The following DMD variants were observed in gnomAD, a reference collection of about 807,000 sequenced individuals.
DMD encodes dystrophin.
DMD carries 63 observed loss-of-function variants against 330.1 expected under a neutral mutation model. That is an observed-to-expected ratio of 0.19 (90% CI 0.16 to 0.24). The LOEUF (loss-of-function observed/expected upper bound fraction) is 0.24. Ranked by LOEUF, DMD falls within the 10% of genes least tolerant of loss-of-function variation. DMD has a pLI of 1.00. For synonymous variants in DMD, 1,223 were observed against 959.8 expected, an observed-to-expected ratio of 1.27 and a Z score of -5.07; for missense variants, 3,344 against 2,684.1, an observed-to-expected ratio of 1.25 and a Z score of -5.43.
rs190146756 is a variant in DMD, at chrX:33,302,584, A to G, written c.7+36675T>C. ...CTTTCCATTTTTCTATAGTGGTATT[A>G]GTAGTGTTGCACATTTTTTAAAGAA... On this transcript the variant is annotated intron_variant, in intron 1 of 17. Transcript: ENST00000288447. Among the ~76,000 whole-genome samples the G allele has an allele frequency of 8.7e-3, 974 of 111,477 alleles. 9 individuals are homozygous for G. Among genetic ancestry groups the G allele is most frequent in the Middle Eastern group, 0.019 (4 of 216 alleles).
intron 53 of DMD, among the ~76,000 whole-genome samples, chrX:31,674,951 C>CT (rs1307465406): frequency 8.9e-6 from 1 of 112,269 alleles, no homozygotes; most frequent in African/African-American, 3.2e-5. Context: ...CTGTCATAGC[C>CT]TATTGGCAAA....
At chrX:32,510,020 G>A (rs183855307) in intron 18 of DMD, among the ~76,000 whole-genome samples, 3 of 111,507 alleles carry the variant, frequency 2.7e-5, no homozygotes, top group Admixed American at 1.9e-4. Context: ...TGAGGGGTAT[G>A]AATGTTTCAA....
intron 12 of DMD, among the ~76,000 whole-genome samples, 167 bp downstream of exon 12, chrX:32,614,136 T>C (rs1056528843): frequency 2.3e-4 from 25 of 111,088 alleles, no homozygotes; most frequent in African/African-American, 7.5e-4. Context: ...ATTCAAGCCA[T>C]TGCAACAAAG....
chrX:32,294,178 A>G (rs149337534), intron 42 of DMD, among the ~76,000 whole-genome samples: 14 of 112,204 alleles, frequency 1.2e-4, no homozygotes, highest in African/African-American at 4.5e-4. Context: ...TGCCAGTCCA[A>G]TGGCAAAGAT....
At chrX:32,057,824 G>A (rs1438158271) in intron 44 of DMD, among the ~76,000 whole-genome samples, 3 of 111,133 alleles carry the variant, frequency 2.7e-5, no homozygotes, top group Non-Finnish European at 5.7e-5. Context: ...CATCACACTT[G>A]CTAGTTTCAA....
chrX:32,893,816 G>A (rs748415767), intron 2 of DMD, among the ~76,000 whole-genome samples: 11 of 111,633 alleles, frequency 9.9e-5, no homozygotes, highest in Non-Finnish European at 2.1e-4. Flanking sequence ...TTAATAGGAT[G>A]GCATATCTAG....
chrX:32,123,492 G>A (rs1388793167), intron 44 of DMD, among the ~76,000 whole-genome samples: 1 of 108,473 alleles, frequency 9.2e-6, no homozygotes, highest in African/African-American at 3.4e-5. Flanking sequence ...TACTCCATAG[G>A]GGGAAATGAA....
intron 1 of DMD, among the ~76,000 whole-genome samples, chrX:33,047,557 C>A (rs962801338): frequency 4.5e-5 from 5 of 110,985 alleles, no homozygotes; most frequent in Non-Finnish European, 9.4e-5. Context: ...TGGACAGTAC[C>A]TTAGAAATAA....
intron 1 of DMD, among the ~76,000 whole-genome samples, chrX:33,106,512 A>G (rs1378007399): frequency 8.9e-6 from 1 of 112,459 alleles, no homozygotes; most frequent in East Asian, 2.8e-4. Context: ...CAAATTGTAC[A>G]TTAAGGGCAT....
At chrX:32,828,288 G>A (rs777426167) in intron 4 of DMD, among the ~76,000 whole-genome samples, 2 of 111,109 alleles carry the variant, frequency 1.8e-5, no homozygotes, top group South Asian at 7.5e-4. Flanking sequence ...TAACTTCTTT[G>A]AGGAATCACC....
intron 47 of DMD, among the ~76,000 whole-genome samples, chrX:31,927,402 T>G (rs1390563244): frequency 8.9e-6 from 1 of 112,373 alleles, no homozygotes; most frequent in East Asian, 2.8e-4. Flanking sequence ...TTTAGATAGT[T>G]CTCTCACATT....
Position 32,618,716 on chromosome X carries a change from A to C in DMD, c.1332-4263T>G, listed in dbSNP as rs752943451. On this transcript the variant is annotated intron_variant, in intron 11 of 78. Transcript: ENST00000357033. ...TTGTCAAAAGAAAAAAGAAGAGATT[A>C]TCACCTCACTTTTGTTAGCATGGCT... Among the ~76,000 whole-genome samples, 7 of 111,772 alleles carry C rather than the reference A, an allele frequency of 6.3e-5. No homozygotes were observed. The East Asian group carries it at 8.4e-4, about 13-fold the overall frequency.
rs189307755 is a variant in DMD, at chrX:32,839,452, C to G, written c.264+5331G>C. ...ATATTGCCTACCATGTGGCTGTAATCTCTGACACACAAAGGGTTGTGTTTG... is the reference window on the plus strand; with the variant it reads ...ATATTGCCTACCATGTGGCTGTAATGTCTGACACACAAAGGGTTGTGTTTG... On this transcript the variant is annotated intron_variant, in intron 4 of 78. Transcript: ENST00000357033. 4.3e-3 allele frequency among the ~76,000 whole-genome samples: 477 copies of G among 111,869 alleles called. 1 individual carries two copies. The highest frequency in any genetic ancestry group is 0.014 in the African/African-American group (445 of 30,744).
chrX:31,743,569 A>G (rs1393637278), intron 51 of DMD, among the ~76,000 whole-genome samples: 1 of 112,177 alleles, frequency 8.9e-6, no homozygotes, highest in Non-Finnish European at 1.9e-5. Context: ...GCTGGAGGCC[A>G]TTATTCTAAG....
intron 16 of DMD, among the ~76,000 whole-genome samples, chrX:32,563,540 T>C (rs1603636486): frequency 1.8e-5 from 2 of 110,877 alleles, no homozygotes; most frequent in Admixed American, 1.9e-4. Flanking sequence ...CTTTATTTCA[T>C]AAAGAACCAT....
chrX:32,658,676 C>T lies in DMD; in HGVS notation c.961-13524G>A, dbSNP rs73451060. 4.9e-3 allele frequency among the ~76,000 whole-genome samples: 543 copies of T among 110,798 alleles called. 5 individuals are homozygous for T. The highest frequency in any genetic ancestry group is 0.017 in the African/African-American group (508 of 30,493). On this transcript the variant is annotated intron_variant, in intron 9 of 78. Transcript: ENST00000357033. ...CCCCTCCAATTGATTCTCATTGGGT[C>T]ACTTTCCCACTCTATTGCATGTCCA... is the stretch of plus-strand genomic sequence containing the variant.
chrX:32,373,212 A>G (rs2097886792), intron 34 of DMD, among the ~76,000 whole-genome samples: 1 of 108,442 alleles, frequency 9.2e-6, no homozygotes, highest in African/African-American at 3.3e-5. Context: ...AATTCTGAGC[A>G]GGAAGAAAAC....
At chrX:31,979,081 G>A (rs1339148424) in intron 44 of DMD, among the ~76,000 whole-genome samples, 1 of 111,655 alleles carries the variant, frequency 9.0e-6, no homozygotes, top group Non-Finnish European at 1.9e-5. Flanking sequence ...TAGAGACAAG[G>A]ACTCATTCTG....
chrX:32,782,308 C>A (rs777918374), intron 7 of DMD, among the ~76,000 whole-genome samples: 3 of 111,152 alleles, frequency 2.7e-5, no homozygotes, highest in Non-Finnish European at 5.7e-5. Flanking sequence ...AAACAAAAAA[C>A]TAAGAATAGT....
Sources: gnomAD v4.1 joint callset for allele counts (sites outside exome capture counted in the v4.1 genomes callset) on GRCh38, gnomAD v4.1.1 for gene constraint, MANE v1.5 for transcripts, NCBI Gene and HGNC (gene_info 2026-07-23, HGNC 2026-07-21) for gene names.